Variants in PKN2 observed in about 807,000 individuals in gnomAD.
PKN2 encodes the protein serine/threonine-protein kinase N2.
Under a neutral mutation model 119.1 loss-of-function variants are expected in PKN2, and 38 were observed. The observed-to-expected ratio is 0.32, with a 90% CI of 0.25 to 0.42. The LOEUF (loss-of-function observed/expected upper bound fraction) is 0.42, where lower values mean the gene tolerates loss of function less well. Among genes scored for constraint, PKN2 ranks in the 10% least tolerant of loss-of-function variants. PKN2 has a pLI of 1.00. For synonymous variants in PKN2, 390 were observed against 384.9 expected (o/e 1.01, Z -0.15); for missense variants, 850 against 1,165.1 (o/e 0.73, Z 3.94).
intron 2 of PKN2, among the ~76,000 whole-genome samples, chr1:88,756,602 T>C (rs567365904): frequency 1.1e-4 from 16 of 152,232 alleles, no homozygotes; most frequent in Non-Finnish European, 2.4e-4. Flanking sequence ...CTGTAAAAAA[T>C]GTGCTTACTA....
intron 3 of PKN2, among the ~76,000 whole-genome samples, chr1:88,765,829 T>C (rs1269750419): frequency 6.6e-6 from 1 of 152,212 alleles, no homozygotes; most frequent in Non-Finnish European, 1.5e-5. Flanking sequence ...AGGGTCTCAC[T>C]CTGTCGCCCA....
intron 1 of PKN2, among the ~76,000 whole-genome samples, chr1:88,700,563 C>T (rs1367272251): frequency 1.3e-5 from 2 of 152,186 alleles, no homozygotes; most frequent in Non-Finnish European, 2.9e-5. Context: ...ACAGGTCTTG[C>T]ATGGTTTCCC....
chr1:88,782,250 G>T (rs955119905), intron 6 of PKN2, among the ~76,000 whole-genome samples: 1 of 151,836 alleles, frequency 6.6e-6, no homozygotes, highest in African/African-American at 2.4e-5. Context: ...TCTTGTTCAC[G>T]ACTTGTTTTG....
chr1:88,833,003 T>A (rs1672792780), intron 20 of PKN2, 74 bp from the exon 21 acceptor site: 1 of 1,391,366 alleles, frequency 7.2e-7, no homozygotes, highest in African/African-American at 1.5e-5. Flanking sequence ...CTAAGTTTTT[T>A]AAAGTAATAA....
chr1:88,812,220 C>A (rs911557239), intron 15 of PKN2, among the ~76,000 whole-genome samples: 1 of 152,122 alleles, frequency 6.6e-6, no homozygotes, highest in Non-Finnish European at 1.5e-5. Flanking sequence ...TCCTTTATCT[C>A]GCTGTCCTAA....
intron 8 of PKN2, among the ~76,000 whole-genome samples, chr1:88,790,365 T>C (rs1348389540): frequency 1.3e-5 from 2 of 152,148 alleles, no homozygotes; most frequent in African/African-American, 2.4e-5. Flanking sequence ...ATACTTGGAG[T>C]ATAGAATTCT....
chr1:88,823,816 C>T (rs1457427859), intron 17 of PKN2, among the ~76,000 whole-genome samples: 1 of 151,192 alleles, frequency 6.6e-6, no homozygotes, highest in Non-Finnish European at 1.5e-5. Flanking sequence ...CAAGACCAGC[C>T]TGGCCAAAAT....
chr1:88,776,053 A>C (rs536586423), intron 6 of PKN2, among the ~76,000 whole-genome samples: 16 of 150,904 alleles, frequency 1.1e-4, no homozygotes, highest in Non-Finnish European at 2.2e-4. Context: ...GCTGGCAGCG[A>C]GCCGAGATCG....
intron 3 of PKN2, among the ~76,000 whole-genome samples, chr1:88,768,834 A>T (rs1669768773): frequency 6.6e-6 from 1 of 152,222 alleles, no homozygotes; most frequent in South Asian, 2.1e-4. Context: ...GGCTCACAGT[A>T]CTGCAGACTG....
intron 4 of PKN2, 146 bp from the exon 5 acceptor site, chr1:88,771,273 CAT>C (rs1340316876): frequency 3.8e-5 from 19 of 504,212 alleles, no homozygotes; most frequent in Non-Finnish European, 5.1e-5. Flanking sequence ...ATTTCAATAT[CAT>C]ATCAAATATT....
intron 1 of PKN2, among the ~76,000 whole-genome samples, chr1:88,738,079 A>G (rs1389710180): frequency 6.6e-6 from 1 of 152,090 alleles, no homozygotes; most frequent in African/African-American, 2.4e-5. Flanking sequence ...TCTTTATCAG[A>G]TAGAGGGAAG....
intron 6 of PKN2, among the ~76,000 whole-genome samples, chr1:88,777,821 A>T (rs1027095101): frequency 6.6e-6 from 1 of 152,182 alleles, no homozygotes; most frequent in African/African-American, 2.4e-5. Context: ...ACCAGCATTA[A>T]CATCAAAACA....
chr1:88,785,252 C>G (rs959953410), intron 7 of PKN2, among the ~76,000 whole-genome samples: 2 of 152,130 alleles, frequency 1.3e-5, no homozygotes, highest in Non-Finnish European at 2.9e-5. Flanking sequence ...CCTCAGCATC[C>G]TAAGTAGCTG....
intron 3 of PKN2, among the ~76,000 whole-genome samples, chr1:88,763,831 C>G (rs987394133): frequency 6.6e-6 from 1 of 151,956 alleles, no homozygotes; most frequent in African/African-American, 2.4e-5. Flanking sequence ...ATTCTTAGAT[C>G]GGTTATGTGG....
chr1:88,806,577 A>G (rs1373936228), intron 12 of PKN2, among the ~76,000 whole-genome samples: 1 of 152,206 alleles, frequency 6.6e-6, no homozygotes, highest in Non-Finnish European at 1.5e-5. Context: ...CTGGATGCTC[A>G]TGGTCCAGAA....
chr1:88,803,087 C>T (rs1000512361), intron 8 of PKN2, among the ~76,000 whole-genome samples: 4 of 152,176 alleles, frequency 2.6e-5, no homozygotes, highest in African/African-American at 9.7e-5. Flanking sequence ...TAATTATATT[C>T]TCCTCATACT....
chr1:88,760,221 G>C lies in PKN2; in HGVS notation c.350-1G>C. 6.7e-7 allele frequency: 1 copy of C among 1,501,032 alleles called. No homozygotes were observed. The highest frequency in any genetic ancestry group is 9.1e-7 in the Non-Finnish European group (1 of 1,095,286). The allele number at this position is 1,501,032 out of a possible 1,614,324, so 93.0% of individuals were successfully genotyped here. A position where few individuals can be genotyped will look rare whatever the true frequency, so the allele number is the denominator to read the frequency against. ...TAATTTTAACAATATTTTATTTACAGATTGCCCAAGGACTCCAGATACTCC... is the reference window on the plus strand; with the variant it reads ...TAATTTTAACAATATTTTATTTACACATTGCCCAAGGACTCCAGATACTCC... On this transcript the variant is annotated splice_acceptor_variant, in intron 2 of 21. Transcript: ENST00000370521. LOFTEE classifies it high-confidence loss of function.
At chr1:88,818,194 G>A (rs2100906307) in intron 16 of PKN2, among the ~76,000 whole-genome samples, 1 of 152,224 alleles carries the variant, frequency 6.6e-6, no homozygotes, top group South Asian at 2.1e-4. Context: ...ACAAATCACT[G>A]CCCAAGGAAA....
intron 12 of PKN2, among the ~76,000 whole-genome samples, chr1:88,806,853 G>A (rs1293334468): frequency 6.6e-6 from 1 of 152,022 alleles, no homozygotes; most frequent in Non-Finnish European, 1.5e-5. Flanking sequence ...CCTAGTAGCT[G>A]GGATTACAGG....
Sources: gnomAD v4.1 joint callset for allele counts (sites outside exome capture counted in the v4.1 genomes callset) on GRCh38, gnomAD v4.1.1 for gene constraint, MANE v1.5 for transcripts, NCBI Gene and HGNC (gene_info 2026-07-23, HGNC 2026-07-21) for gene names.